CACNA2D3: variants seen among roughly 807,000 people sequenced by gnomAD.
CACNA2D3 encodes the protein voltage-dependent calcium channel subunit alpha-2/delta-3.
Under a neutral mutation model 160.6 loss-of-function variants are expected in CACNA2D3, and 60 were observed. The observed-to-expected ratio is 0.37, with a 90% CI of 0.30 to 0.46. The LOEUF (loss-of-function observed/expected upper bound fraction) is 0.46. Ranked by LOEUF, CACNA2D3 falls within the 20% of genes least tolerant of loss-of-function variation. The probability of loss-of-function intolerance (pLI) is 1.00; values close to 1 mark genes in which losing one functional copy is unlikely to be tolerated. For synonymous variants in CACNA2D3, 558 were observed against 492.9 expected (o/e 1.13, Z -1.75); for missense variants, 1,205 against 1,365.0 (o/e 0.88, Z 1.85).
rs550151024 is a variant in CACNA2D3 at position 54,226,592 on chromosome 3, C to A, written c.205-93850C>A. ...TGTTGGGATTACAGGCATGAGCCAC[C>A]ATGCCTGGCCTGCAATTCCCTTCTT... On this transcript the variant is annotated intron_variant, in intron 2 of 37. Transcript: ENST00000474759. Among the ~76,000 whole-genome samples the A allele has an allele frequency of 5.3e-5, 8 of 152,224 alleles. No homozygotes were observed. The East Asian group carries it at 1.5e-3, about 29-fold the overall frequency.
chr3:54,341,115 A>G (rs1045533218), intron 3 of CACNA2D3, among the ~76,000 whole-genome samples: 2 of 152,204 alleles, frequency 1.3e-5, no homozygotes, highest in African/African-American at 4.8e-5. Context: ...TTCCATGGTC[A>G]CTTTCACTAA....
chr3:54,981,501 G>A (rs1314585972), intron 29 of CACNA2D3, among the ~76,000 whole-genome samples: 2 of 152,192 alleles, frequency 1.3e-5, no homozygotes, highest in Non-Finnish European at 1.5e-5. Flanking sequence ...GGAGCGAGGG[G>A]GAGAGAAAGA....
chr3:54,632,804 G>A (rs1316533335), intron 10 of CACNA2D3: 1 of 152,172 alleles, frequency 6.6e-6, no homozygotes, highest in Non-Finnish European at 1.5e-5. Context: ...CTTTCAAGAA[G>A]TTCCTGGAAT....
intron 31 of CACNA2D3, among the ~76,000 whole-genome samples, chr3:54,995,769 G>A (rs1040027659): frequency 2.6e-5 from 4 of 152,198 alleles, no homozygotes; most frequent in Non-Finnish European, 4.4e-5. Flanking sequence ...CAGAAGAGGA[G>A]AATAGTTATT....
intron 5 of CACNA2D3, among the ~76,000 whole-genome samples, chr3:54,562,032 G>C (rs1702333746): frequency 6.6e-6 from 1 of 152,158 alleles, no homozygotes; most frequent in Non-Finnish European, 1.5e-5. Context: ...GGAAAGACCT[G>C]CCCCACCCCC....
chr3:54,204,713 T>G (rs1701240070), intron 2 of CACNA2D3, among the ~76,000 whole-genome samples: 1 of 149,368 alleles, frequency 6.7e-6, no homozygotes, highest in African/African-American at 2.5e-5. Context: ...GGAGAATCGC[T>G]TGAACCCGGG....
intron 35 of CACNA2D3, among the ~76,000 whole-genome samples, chr3:55,033,681 G>A (rs1010407074): frequency 2.7e-5 from 2 of 73,526 alleles, no homozygotes; most frequent in Admixed American, 1.6e-4. Context: ...ATATAAATGT[G>A]TATATATACC....
chr3:54,124,439 C>A (rs532655728), intron 2 of CACNA2D3, among the ~76,000 whole-genome samples: 1 of 152,104 alleles, frequency 6.6e-6, no homozygotes, highest in African/African-American at 2.4e-5. Context: ...CAGGATTAAT[C>A]AAAGTATTCT....
chr3:54,467,441 G>A (rs1575472770), intron 4 of CACNA2D3, among the ~76,000 whole-genome samples: 1 of 152,228 alleles, frequency 6.6e-6, no homozygotes, highest in African/African-American at 2.4e-5. Flanking sequence ...TATTGAGTCA[G>A]CAATGATGGG....
At chr3:54,279,453 C>T (rs946689600) in intron 2 of CACNA2D3, among the ~76,000 whole-genome samples, 7 of 152,102 alleles carry the variant, frequency 4.6e-5, no homozygotes, top group Admixed American at 3.9e-4. Flanking sequence ...TCCTGACAAG[C>T]TCCCTCTCTG....
chr3:54,376,857 C>T (rs1177188467), intron 3 of CACNA2D3, among the ~76,000 whole-genome samples: 2 of 152,130 alleles, frequency 1.3e-5, no homozygotes, highest in Non-Finnish European at 2.9e-5. Context: ...CCTTCCCAAA[C>T]TGAAGTTGCC....
At chr3:54,427,935 G>A (rs767582020) in intron 4 of CACNA2D3, among the ~76,000 whole-genome samples, 1 of 152,224 alleles carries the variant, frequency 6.6e-6, no homozygotes, top group Admixed American at 6.5e-5. Flanking sequence ...CTGCAGGGAA[G>A]TTAAGAGCCC....
At chr3:54,452,028 C>T (rs1276636317) in intron 4 of CACNA2D3, among the ~76,000 whole-genome samples, 1 of 152,190 alleles carries the variant, frequency 6.6e-6, no homozygotes, top group Non-Finnish European at 1.5e-5. Flanking sequence ...TTTAATGCCT[C>T]ACTAGAAGTA....
chr3:54,863,718 T>A (rs955150609), intron 17 of CACNA2D3, among the ~76,000 whole-genome samples: 2 of 151,578 alleles, frequency 1.3e-5, no homozygotes, highest in African/African-American at 4.9e-5. Flanking sequence ...TTGTTGTTTT[T>A]TTTTAAAAAA....
chr3:55,054,387 G>A (rs976432274), intron 35 of CACNA2D3, among the ~76,000 whole-genome samples: 8 of 151,614 alleles, frequency 5.3e-5, no homozygotes, highest in Non-Finnish European at 7.4e-5. Context: ...CCTGACTTCA[G>A]GTATACTGAT....
At chr3:54,973,518 T>A (rs899556699) in intron 29 of CACNA2D3, among the ~76,000 whole-genome samples, 1 of 152,194 alleles carries the variant, frequency 6.6e-6, no homozygotes, top group Non-Finnish European at 1.5e-5. Context: ...CTAATAACCC[T>A]TATTAAAAAT....
chr3:54,886,050 G>A (rs1235854441), intron 23 of CACNA2D3, among the ~76,000 whole-genome samples: 1 of 152,244 alleles, frequency 6.6e-6, no homozygotes, highest in Non-Finnish European at 1.5e-5. Context: ...TGCCTACCAA[G>A]CATCCCCTTC....
chr3:54,881,920 C>T (rs1299303074), intron 21 of CACNA2D3, among the ~76,000 whole-genome samples: 1 of 152,186 alleles, frequency 6.6e-6, no homozygotes, highest in African/African-American at 2.4e-5. Context: ...GATTTACTGC[C>T]AGTGGTCCCT....
intron 11 of CACNA2D3, among the ~76,000 whole-genome samples, chr3:54,746,929 T>A (rs929937590): frequency 2.0e-5 from 3 of 152,164 alleles, no homozygotes; most frequent in African/African-American, 7.2e-5. Flanking sequence ...CAAGTCTGGC[T>A]GATGTCTCAT....
Sources: gnomAD v4.1 joint callset for allele counts (sites outside exome capture counted in the v4.1 genomes callset) on GRCh38, gnomAD v4.1.1 for gene constraint, MANE v1.5 for transcripts, NCBI Gene and HGNC (gene_info 2026-07-23, HGNC 2026-07-21) for gene names.